Variants in LEPR observed in about 807,000 individuals in gnomAD.
LEPR encodes OB receptor.
In LEPR, 56 loss-of-function variants were observed where a neutral mutation model predicts 114.7. The observed-to-expected ratio is 0.49, with a 90% CI of 0.39 to 0.61. LEPR has a LOEUF of 0.61. LEPR is among the 20% of genes least tolerant of loss of function. The probability of loss-of-function intolerance (pLI) is 0.00; values close to 1 mark genes in which losing one functional copy is unlikely to be tolerated. For missense variants in LEPR, 1,202 were observed against 1,352.9 expected, an observed-to-expected ratio of 0.89 and a Z score of 1.75; for synonymous variants, 443 against 461.4, an observed-to-expected ratio of 0.96 and a Z score of 0.51.
Position 65,636,854 on chromosome 1 carries a change from A to G in LEPR, c.3337A>G (p.Ile1113Val), listed in dbSNP as rs373910234. 6.2e-7 allele frequency: 1 copy of G among 1,612,102 alleles called. No homozygotes were observed. Among genetic ancestry groups the G allele is most frequent in the Admixed American group, 1.7e-5 (1 of 59,560 alleles). Residue 1113 changes from isoleucine (I) to valine (V), a missense_variant, in exon 20 of 20, where the codon ATC (isoleucine) becomes GTC (valine). Coordinates refer to ENST00000349533, the MANE Select transcript of LEPR (RefSeq NM_002303.6). ...PFPAPCLFTD[I>V]RVLQDSCSHF... ...CCCAGCCCCCTGTTTATTCACGGAC[A>G]TCAGAGTTCTCCAGGACAGTTGCTC...
intron 5 of LEPR, among the ~76,000 whole-genome samples, chr1:65,580,870 G>A (rs887408342): frequency 3.3e-5 from 5 of 152,142 alleles, no homozygotes; most frequent in Non-Finnish European, 7.3e-5. Flanking sequence ...AGGCCCAGAG[G>A]CACAGATACC....
chr1:65,421,395 T>A, intron 1 of LEPR: 1 of 1,536,112 alleles, frequency 6.5e-7, no homozygotes, highest in Non-Finnish European at 8.7e-7. Context: ...ACCGCGTCCC[T>A]TATCTGTATG....
Position 65,596,584 on chromosome 1 carries a change from T to G in LEPR, c.840T>G (p.Val280=). The G allele has an allele frequency of 6.2e-7, 1 of 1,612,124 alleles. No individual in the cohort carries two copies. The highest frequency in any genetic ancestry group is 2.2e-5 in the East Asian group (1 of 44,758). Residue 280 remains valine (V), a synonymous_variant, in exon 7 of 20, where the codon GTT becomes GTG. Coordinates refer to ENST00000349533, the MANE Select transcript of LEPR (RefSeq NM_002303.6). The stretch of plus-strand genomic sequence containing the variant: ...AATATTCAGAGAATTCTACAACAGT[T>G]ATCAGAGAAGTAAGTATATTTTAGT... ...QVKYSENSTT[V]IREADKIVSA...
At chr1:65,488,222 C>CTTTCTTTCTTTCTTTT (rs1284234824) in intron 2 of LEPR, among the ~76,000 whole-genome samples, 3 of 70,790 alleles carry the variant, frequency 4.2e-5, no homozygotes, top group African/African-American at 2.6e-4. Flanking sequence ...CTCTCTCTCT[C>CTTTCTTTCTTTCTTTT]TCTCTCTTTC....
chr1:65,434,846 T>G, intron 2 of LEPR: 1 of 985,474 alleles, frequency 1.0e-6, no homozygotes, highest in Non-Finnish European at 1.2e-6. Flanking sequence ...CTCCTCCCAT[T>G]AGTCAGTTCT....
chr1:65,432,293 A>G (rs1646496592), intron 2 of LEPR: 2 of 995,500 alleles, frequency 2.0e-6, no homozygotes, highest in South Asian at 4.4e-5. Context: ...TGACCCAGGA[A>G]GGCCGGGGTG....
intron 2 of LEPR, chr1:65,431,690 A>G (rs1465721696): frequency 8.3e-6 from 9 of 1,087,398 alleles, no homozygotes; most frequent in Non-Finnish European, 1.1e-5. Flanking sequence ...TAAGCCTTTT[A>G]GCAGCTTTGT....
At chr1:65,495,345 A>G (rs1295838826) in intron 2 of LEPR, among the ~76,000 whole-genome samples, 1 of 152,208 alleles carries the variant, frequency 6.6e-6, no homozygotes, top group Non-Finnish European at 1.5e-5. Flanking sequence ...AACCATGATA[A>G]CATATTACCT....
At chr1:65,454,183 C>G (rs977471325) in intron 2 of LEPR, among the ~76,000 whole-genome samples, 2 of 151,886 alleles carry the variant, frequency 1.3e-5, no homozygotes, top group African/African-American at 2.4e-5. Flanking sequence ...TGTCTCTGCA[C>G]GTGAGATGGG....
Position 65,636,203 on chromosome 1 carries a change from G to T in LEPR, c.2686G>T (p.Glu896Ter). 1.2e-6 allele frequency: 2 copies of T among 1,613,722 alleles called. No homozygotes were observed. The highest frequency in any genetic ancestry group is 2.2e-5 in the South Asian group (2 of 90,996). The change falls in exon 20 of 20, where the codon GAG becomes TAG. Residue 896 changes from glutamate (E) to a stop codon, truncating the protein, a stop_gained. Transcript: ENST00000349533. LOFTEE classifies it low-confidence loss of function (END_TRUNC). Reference protein sequence around the residue: ...GLNFQKPETFEHLFIKHTASV... With the variant: ...GLNFQKPETF Reference sequence around the variant, plus strand: ...TCTTTTCTTTTAGCCAGAAACGTTTGAGCATCTTTTTATCAAGCATACAGC... The same window carrying T: ...TCTTTTCTTTTAGCCAGAAACGTTTTAGCATCTTTTTATCAAGCATACAGC...
At chr1:65,429,758 C>A in intron 2 of LEPR, 1 of 1,007,226 alleles carries the variant, frequency 9.9e-7, no homozygotes, top group Non-Finnish European at 1.4e-6. Flanking sequence ...AATTTTTTGA[C>A]CTAAACATTT....
In LEPR at chr1:65,574,041, A is replaced by G. The variant is rs114462379; in HGVS notation, c.494+1592A>G. Reference sequence around the variant, plus strand: ...TTGGGACCTGTATGTACAGAGTTTCAGTTTAAGTGGTTACCGATATGTATT... The same window carrying G: ...TTGGGACCTGTATGTACAGAGTTTCGGTTTAAGTGGTTACCGATATGTATT... On this transcript the variant is annotated intron_variant, in intron 5 of 19. Coordinates refer to ENST00000349533, the MANE Select transcript of LEPR (RefSeq NM_002303.6). 5.6e-3 allele frequency among the ~76,000 whole-genome samples: 857 copies of G among 152,316 alleles called. 10 individuals are homozygous for G. The highest frequency in any genetic ancestry group is 0.02 in the African/African-American group (823 of 41,568).
intron 2 of LEPR, among the ~76,000 whole-genome samples, chr1:65,437,011 G>T (rs1243191549): frequency 1.3e-5 from 2 of 152,154 alleles, no homozygotes; most frequent in Admixed American, 1.3e-4. Flanking sequence ...TTGTATGCTT[G>T]TTCATCTGAC....
intron 2 of LEPR, chr1:65,433,075 AGCCCCT>A (rs1268692099): frequency 2.8e-5 from 28 of 985,212 alleles, no homozygotes; most frequent in Non-Finnish European, 3.3e-5. Flanking sequence ...GGCTCGAGCC[AGCCCCT>A]GCGTTAGCAG....
At chr1:65,430,168 A>C in intron 2 of LEPR, 1 of 868,560 alleles carries the variant, frequency 1.2e-6, no homozygotes, top group Non-Finnish European at 1.6e-6. Context: ...GTGTGTTTTT[A>C]GTTTCTCTGT....
chr1:65,488,826 T>C (rs1647716702), intron 2 of LEPR, among the ~76,000 whole-genome samples: 1 of 151,982 alleles, frequency 6.6e-6, no homozygotes, highest in Non-Finnish European at 1.5e-5. Context: ...ATGGGTTCAA[T>C]TGCTTTAACT....
At chr1:65,614,316 A>G (rs1261509926) in intron 14 of LEPR, among the ~76,000 whole-genome samples, 1 of 152,244 alleles carries the variant, frequency 6.6e-6, no homozygotes, top group Non-Finnish European at 1.5e-5. Flanking sequence ...TAATGCATGT[A>G]GATTAAAAAG....
chr1:65,498,449 A>T lies in LEPR; in HGVS notation c.-20-67097A>T, dbSNP rs192793074. Among the ~76,000 whole-genome samples the T allele has an allele frequency of 9.0e-4, 137 of 152,288 alleles. 3 individuals are homozygous for T. The East Asian group carries it at 0.025, about 28-fold the overall frequency. ...TTTTCTGTAAATACTATTACAAAAA[A>T]AACTGTAAAAGAGAGTGGTAAATGC... is the stretch of plus-strand genomic sequence containing the variant. On this transcript the variant is annotated intron_variant, in intron 2 of 19. Transcript: ENST00000349533.
chr1:65,568,373 C>T (rs1653917756), intron 3 of LEPR, among the ~76,000 whole-genome samples: 1 of 152,046 alleles, frequency 6.6e-6, no homozygotes, highest in Admixed American at 6.6e-5. Flanking sequence ...TAAGTGAGAA[C>T]ATGTGGTATT....
Sources: gnomAD v4.1 joint callset for allele counts (sites outside exome capture counted in the v4.1 genomes callset) on GRCh38, gnomAD v4.1.1 for gene constraint, MANE v1.5 for transcripts, NCBI Gene and HGNC (gene_info 2026-07-23, HGNC 2026-07-21) for gene names.